The following TRPM8 variants were observed in gnomAD, a reference collection of about 807,000 sequenced individuals.
The protein encoded by TRPM8 is TRPM8 cationic channel.
Under a neutral mutation model 133.7 loss-of-function variants are expected in TRPM8, and 110 were observed. That is an observed-to-expected ratio of 0.82 (90% CI 0.70 to 0.96). TRPM8 has a LOEUF of 0.96. Ranked by LOEUF, TRPM8 falls within the 40% of genes least tolerant of loss-of-function variation. TRPM8 has a pLI of 0.00. For missense variants in TRPM8, 1,291 were observed against 1,379.5 expected (o/e 0.94, Z 1.02); for synonymous variants, 535 against 532.3 (o/e 1.01, Z -0.07).
intron 17 of TRPM8, among the ~76,000 whole-genome samples, chr2:233,976,182 A>T (rs1691868686): frequency 6.6e-6 from 1 of 152,210 alleles, no homozygotes. Flanking sequence ...GATGATTTCC[A>T]GGAGCTTTCG....
intron 6 of TRPM8, chr2:233,943,070 T>C (rs2125105294): frequency 9.4e-6 from 2 of 212,206 alleles, no homozygotes; most frequent in Non-Finnish European, 1.9e-5. Flanking sequence ...GCAGTATCTT[T>C]TTTTTTTTTT....
At chr2:233,977,240 C>T (rs905751435) in intron 17 of TRPM8, among the ~76,000 whole-genome samples, 5 of 152,152 alleles carry the variant, frequency 3.3e-5, no homozygotes, top group African/African-American at 9.7e-5. Flanking sequence ...TCCCATCATG[C>T]CTTCACGGAG....
rs201366566 is a variant in TRPM8, at chr2:234,018,242, T to C, written c.*986T>C. 1.9e-4 allele frequency: 29 copies of C among 152,042 alleles called. No individual in the cohort carries two copies. The highest frequency in any genetic ancestry group is 7.2e-4 in the Admixed American group (11 of 15,268). 9.4% of individuals were successfully genotyped at this position (152,042 alleles called of 1,614,324 possible). On this transcript the variant is annotated 3_prime_UTR_variant, in exon 26 of 26. Coordinates refer to ENST00000324695, the MANE Select transcript of TRPM8 (RefSeq NM_024080.5). Reference sequence around the variant, plus strand: ...TTTATCAAATATGTTTTTATTATATTCATAGCCTTCTTAAACATTATATCA... The same window carrying C: ...TTTATCAAATATGTTTTTATTATATCCATAGCCTTCTTAAACATTATATCA...
intron 12 of TRPM8, 85 bp from the exon 13 acceptor site, chr2:233,963,197 C>G: frequency 1.2e-6 from 1 of 809,510 alleles, no homozygotes; most frequent in Non-Finnish European, 2.0e-6. Context: ...ACAGAGCCCT[C>G]CAAACATGGG....
intron 18 of TRPM8, among the ~76,000 whole-genome samples, chr2:233,980,538 A>AT (rs1230739379): frequency 4.6e-5 from 7 of 151,816 alleles, no homozygotes; most frequent in Non-Finnish European, 8.8e-5. Context: ...GGGGAGAATT[A>AT]TTTTTTTTAA....
intron 17 of TRPM8, among the ~76,000 whole-genome samples, chr2:233,979,626 G>A (rs543074062): frequency 1.6e-4 from 25 of 152,262 alleles, no homozygotes; most frequent in Non-Finnish European, 2.6e-4. Context: ...ATACATACAC[G>A]TCGGTCCCTG....
chr2:233,945,201 C>T (rs552264583), intron 6 of TRPM8, among the ~76,000 whole-genome samples: 74 of 152,278 alleles, frequency 4.9e-4, no homozygotes, highest in African/African-American at 1.7e-3. Flanking sequence ...TACTTTAAAA[C>T]CTAAATGCCT....
intron 3 of TRPM8, chr2:233,933,800 A>C (rs1691728211): frequency 6.0e-6 from 1 of 166,960 alleles, no homozygotes; most frequent in Non-Finnish European, 1.5e-5. Flanking sequence ...GGGACAGTGG[A>C]AGCTATGGAG....
intron 6 of TRPM8, among the ~76,000 whole-genome samples, chr2:233,944,097 C>T (rs1381894784): frequency 6.6e-6 from 1 of 152,068 alleles, no homozygotes; most frequent in Non-Finnish European, 1.5e-5. Flanking sequence ...AGCCAGTTCC[C>T]TTCTTCAAGC....
Position 233,927,864 on chromosome 2 carries a change from T to C in TRPM8, c.117+1210T>C, listed in dbSNP as rs745745205. Among the ~76,000 whole-genome samples the C allele has an allele frequency of 4.2e-3, 162 of 38,800 alleles. 26 individuals carry two copies. Among genetic ancestry groups the C allele is most frequent in the East Asian group, 0.023 (13 of 564 alleles). The allele number at this position is 38,800 out of a possible 152,430, so 25.5% of individuals were successfully genotyped here. A position where few individuals can be genotyped will look rare whatever the true frequency, so the allele number is the denominator to read the frequency against. ...CCTTCCTTCCTTCCTTTCTTTCTCT[T>C]TCTTTCTTTCTTTCTTTCTTTCTTT... On this transcript the variant is annotated intron_variant, in intron 2 of 25. Coordinates refer to ENST00000324695, the MANE Select transcript of TRPM8 (RefSeq NM_024080.5).
At chr2:234,014,803 G>A in intron 25 of TRPM8, 149 bp downstream of exon 25, 1 of 421,816 alleles carries the variant, frequency 2.4e-6, no homozygotes, top group Non-Finnish European at 4.1e-6. Flanking sequence ...AAAATACAGA[G>A]ATAGAGAAAG....
intron 20 of TRPM8, among the ~76,000 whole-genome samples, chr2:233,985,124 G>T (rs1393769925): frequency 6.6e-6 from 1 of 150,800 alleles, no homozygotes; most frequent in Non-Finnish European, 1.5e-5. Flanking sequence ...TGTCTGCTCC[G>T]TGCACATCTT....
At position 233,942,702 on chromosome 2, in the gene TRPM8, G is replaced by A. The variant is rs745594890; in HGVS notation, c.653G>A (p.Gly218Asp). ...NIVAIGIAAW[G>D]MVSNRDTLIR... The stretch of plus-strand genomic sequence containing the variant: ...GTGGCCATTGGCATAGCAGCTTGGG[G>A]CATGGTCTCCAACCGGGACACCCTC... The change falls in exon 6 of 26, where the codon GGC (glycine) becomes GAC (aspartate). Residue 218 changes from glycine to aspartate, a missense_variant. Gly to Asp is a moderately conservative substitution (Grantham distance 94). This residue lies in a region of TRPM8 where 963 missense variants were observed against 968.9 expected (regional missense o/e 0.99). Transcript: ENST00000324695. 15 of 1,614,212 alleles carry A rather than the reference G, an allele frequency of 9.3e-6. 1 individual carries two copies. In the South Asian group the frequency reaches 1.3e-4, roughly 14 times the overall value.
At chr2:233,946,980 C>T (rs900997692) in intron 7 of TRPM8, 108 bp from the exon 8 acceptor site, 4 of 944,972 alleles carry the variant, frequency 4.2e-6, no homozygotes, top group African/African-American at 3.3e-5. Flanking sequence ...GAAGCTATCT[C>T]TCCACACCCT....
intron 22 of TRPM8, among the ~76,000 whole-genome samples, chr2:233,997,536 G>A (rs182040292): frequency 8.3e-4 from 126 of 152,244 alleles, no homozygotes; most frequent in African/African-American, 2.5e-3. Flanking sequence ...GGGCTGCTTC[G>A]TGCCCTCTGG....
At chr2:233,951,957 G>T (rs1054549020) in intron 9 of TRPM8, among the ~76,000 whole-genome samples, 1 of 152,088 alleles carries the variant, frequency 6.6e-6, no homozygotes, top group African/African-American at 2.4e-5. Context: ...CCAGTTTCTT[G>T]ACCACTCTAA....
intron 23 of TRPM8, among the ~76,000 whole-genome samples, chr2:234,007,476 C>G (rs369936308): frequency 1.3e-5 from 2 of 152,284 alleles, no homozygotes; most frequent in South Asian, 4.1e-4. Context: ...TTAAGAAATA[C>G]GTTGATTAAA....
At chr2:233,948,207 T>C (rs1465410007) in intron 8 of TRPM8, among the ~76,000 whole-genome samples, 1 of 152,246 alleles carries the variant, frequency 6.6e-6, no homozygotes, top group East Asian at 1.9e-4. Context: ...TATGTAACAA[T>C]GGCTGTTTTC....
intron 24 of TRPM8, 62 bp from the exon 25 acceptor site, chr2:234,014,500 A>G (rs1158450498): frequency 1.9e-6 from 2 of 1,052,794 alleles, no homozygotes; most frequent in Non-Finnish European, 2.7e-6. Context: ...CAGAGCGATA[A>G]TTTAAAAATG....
Sources: allele counts gnomAD v4.1 joint callset (sites outside exome capture counted in the v4.1 genomes callset), GRCh38; gene constraint gnomAD v4.1.1; regional missense constraint gnomAD v4.1.1; transcripts MANE v1.5; gene names NCBI Gene and HGNC (gene_info 2026-07-23, HGNC 2026-07-21).